Variants in MAP1LC3B2 observed in about 807,000 individuals in gnomAD.
The protein encoded by MAP1LC3B2 is microtubule associated protein 1 light chain 3 beta 2.
For missense variants in MAP1LC3B2, 155 were observed against 154.6 expected, an observed-to-expected ratio of 1.00 and a Z score of -0.01; for synonymous variants, 62 against 57.8, an observed-to-expected ratio of 1.07 and a Z score of -0.33.
intron 1 of MAP1LC3B2, among the ~76,000 whole-genome samples, chr12:116,572,947 A>G (rs991187089): frequency 6.6e-6 from 1 of 151,826 alleles, no homozygotes; most frequent in Non-Finnish European, 1.5e-5. Context: ...TTTTCCTGAG[A>G]CAGTCTGGAG....
intron 1 of MAP1LC3B2, chr12:116,559,762 T>A (rs974113457): frequency 6.6e-6 from 1 of 152,218 alleles, no homozygotes; most frequent in East Asian, 1.9e-4. Flanking sequence ...CCCTCCAGCA[T>A]ACTGGTCCAA....
Position 116,576,064 on chromosome 12 carries a change from A to C in MAP1LC3B2, c.122A>C (p.Glu41Ala). ...IPVIIERYKG[E>A]KQLPVLDKTK... is the part of the protein sequence containing the mutation. ...GTGATAATAGAACGATACAAGGGTG[A>C]GAAGCAGCTTCCTGTTCTGGATAAA... The change falls in exon 2 of 2, where the codon GAG becomes GCG. Residue 41 changes from glutamate to alanine, a missense_variant. Physicochemically the swap from Glu to Ala is moderately radical, Grantham distance 107 (BLOSUM62 -1). Coordinates refer to ENST00000556529, the MANE Select transcript of MAP1LC3B2 (RefSeq NM_001085481.3). The C allele has an allele frequency of 6.2e-7, 1 of 1,614,264 alleles. No homozygotes were observed. Among genetic ancestry groups the C allele is most frequent in the Non-Finnish European group, 8.5e-7 (1 of 1,180,052 alleles).
At chr12:116,565,759 T>A (rs1314191231) in intron 1 of MAP1LC3B2, among the ~76,000 whole-genome samples, 2 of 152,182 alleles carry the variant, frequency 1.3e-5, no homozygotes, top group Non-Finnish European at 2.9e-5. Flanking sequence ...TCTACCAAGA[T>A]GATATACGAT....
Position 116,566,585 on chromosome 12 carries a change from G to A in MAP1LC3B2, c.-102+7152G>A, listed in dbSNP as rs144379468. Among the ~76,000 whole-genome samples, 1,028 of 123,368 alleles carry A rather than the reference G, an allele frequency of 8.3e-3. 14 individuals are homozygous for A. The highest frequency in any genetic ancestry group is 0.029 in the African/African-American group (966 of 32,894). 80.9% of individuals were successfully genotyped at this position (123,368 alleles called of 152,430 possible). A position where few individuals can be genotyped will look rare whatever the true frequency, so the allele number is the denominator to read the frequency against. On this transcript the variant is annotated intron_variant, in intron 1 of 1. Transcript: ENST00000556529. ...CCCATTTCAGAGATGAAAAATCTGA[G>A]ATACAGTACGTGGAACTGTGAGTCA... is the stretch of plus-strand genomic sequence containing the variant.
At chr12:116,575,434 T>A (rs1292848996) in intron 1 of MAP1LC3B2, among the ~76,000 whole-genome samples, 1 of 152,190 alleles carries the variant, frequency 6.6e-6, no homozygotes, top group Non-Finnish European at 1.5e-5. Flanking sequence ...ATGACTTTCA[T>A]AATTCAAATG....
chr12:116,570,205 AC>A (rs1469880514), intron 1 of MAP1LC3B2, among the ~76,000 whole-genome samples: 2 of 152,256 alleles, frequency 1.3e-5, no homozygotes, highest in Admixed American at 6.5e-5. Context: ...TCCTCAATTT[AC>A]AATGGCTCAA....
In MAP1LC3B2 at chr12:116,576,053, A is replaced by C. The variant is rs2136965533; in HGVS notation, c.111A>C (p.Arg37=). The C allele has an allele frequency of 1.2e-6, 2 of 1,614,252 alleles. No homozygotes were observed. The highest frequency in any genetic ancestry group is 3.3e-4 in the Middle Eastern group (2 of 6,060). The change falls in exon 2 of 2, where the codon CGA becomes CGC. Residue 37 remains arginine, a synonymous_variant. Transcript: ENST00000556529. ...HPTKIPVIIE[R]YKGEKQLPVL... The stretch of plus-strand genomic sequence containing the variant: ...CCAAAATCCCGGTGATAATAGAACG[A>C]TACAAGGGTGAGAAGCAGCTTCCTG...
chr12:116,570,540 G>C (rs537922862), intron 1 of MAP1LC3B2, among the ~76,000 whole-genome samples: 1 of 152,088 alleles, frequency 6.6e-6, no homozygotes, highest in African/African-American at 2.4e-5. Context: ...TGAATCATGG[G>C]GGCAGTTTCC....
chr12:116,568,331 A>T (rs1869444300), intron 1 of MAP1LC3B2, among the ~76,000 whole-genome samples: 1 of 152,246 alleles, frequency 6.6e-6, no homozygotes, highest in Non-Finnish European at 1.5e-5. Context: ...CCACAGCCTA[A>T]CAATCTCTGG....
rs12815199 is a variant in MAP1LC3B2, at chr12:116,576,378, A to G, written c.*58A>G. On this transcript the variant is annotated 3_prime_UTR_variant, in exon 2 of 2. Coordinates refer to ENST00000556529, the MANE Select transcript of MAP1LC3B2 (RefSeq NM_001085481.3). Reference sequence around the variant, plus strand: ...TTAAACCCTTACCAAGGAAAAAAAAAGGGATGTTACCAACTGAGATCGATC... The same window carrying G: ...TTAAACCCTTACCAAGGAAAAAAAAGGGGATGTTACCAACTGAGATCGATC... The G allele has an allele frequency of 1.5e-6, 2 of 1,293,474 alleles. No individual in the cohort carries two copies. The highest frequency in any genetic ancestry group is 2.8e-5 in the South Asian group (2 of 72,190). The allele number at this position is 1,293,474 out of a possible 1,614,324, so 80.1% of individuals were successfully genotyped here.
At chr12:116,569,197 A>T (rs1245220174) in intron 1 of MAP1LC3B2, among the ~76,000 whole-genome samples, 1 of 152,194 alleles carries the variant, frequency 6.6e-6, no homozygotes, top group Non-Finnish European at 1.5e-5. Context: ...TTCTCTAGAA[A>T]TTACCCAGTC....
At chr12:116,574,311 G>C (rs1869615372) in intron 1 of MAP1LC3B2, among the ~76,000 whole-genome samples, 1 of 151,534 alleles carries the variant, frequency 6.6e-6, no homozygotes, top group Non-Finnish European at 1.5e-5. Context: ...AGCAAGTCAT[G>C]ATATATTTAT....
intron 1 of MAP1LC3B2, among the ~76,000 whole-genome samples, chr12:116,570,923 A>G (rs1869512836): frequency 6.6e-6 from 1 of 152,224 alleles, no homozygotes; most frequent in Non-Finnish European, 1.5e-5. Context: ...TGTGTGAGTA[A>G]CAAGGTATAT....
At chr12:116,560,229 T>C (rs1056012201) in intron 1 of MAP1LC3B2, 83 of 131,196 alleles carry the variant, frequency 6.3e-4, no homozygotes, top group Admixed American at 1.4e-3. Flanking sequence ...TATATATATA[T>C]ATATATATAT....
chr12:116,575,324 G>A (rs904763502), intron 1 of MAP1LC3B2, among the ~76,000 whole-genome samples: 3 of 152,122 alleles, frequency 2.0e-5, no homozygotes, highest in African/African-American at 7.2e-5. Flanking sequence ...CAAATTCTTA[G>A]CAGTGAATGA....
At chr12:116,568,778 G>A (rs1481181637) in intron 1 of MAP1LC3B2, among the ~76,000 whole-genome samples, 1 of 152,110 alleles carries the variant, frequency 6.6e-6, no homozygotes, top group South Asian at 2.1e-4. Flanking sequence ...ACCATGTTAT[G>A]ATGCAGCAGG....
At chr12:116,563,500 A>T (rs1257523553) in intron 1 of MAP1LC3B2, among the ~76,000 whole-genome samples, 1 of 152,050 alleles carries the variant, frequency 6.6e-6, no homozygotes, top group African/African-American at 2.4e-5. Context: ...GGTTCTTTGT[A>T]TGTAATATGT....
intron 1 of MAP1LC3B2, among the ~76,000 whole-genome samples, chr12:116,561,940 T>G (rs180821982): frequency 1.3e-5 from 2 of 152,370 alleles, no homozygotes; most frequent in South Asian, 2.1e-4. Flanking sequence ...TATCTTTTGC[T>G]TCAGCATCCT....
intron 1 of MAP1LC3B2, among the ~76,000 whole-genome samples, chr12:116,566,536 A>ATAT (rs1478578876): frequency 2.3e-4 from 32 of 141,390 alleles, no homozygotes; most frequent in African/African-American, 8.9e-4. Context: ...ATATCCACAA[A>ATAT]TGTTGTTTTC....
Sources: allele counts gnomAD v4.1 joint callset (sites outside exome capture counted in the v4.1 genomes callset), GRCh38; gene constraint gnomAD v4.1.1; transcripts MANE v1.5; gene names NCBI Gene and HGNC (gene_info 2026-07-23, HGNC 2026-07-21).